The following TRPM3 variants were observed in gnomAD, a reference collection of about 807,000 sequenced individuals.
TRPM3 encodes transient receptor potential cation channel subfamily M member 3.
A neutral mutation model predicts 181.2 loss-of-function variants in TRPM3; 77 were observed. That is an observed-to-expected ratio of 0.42 (90% CI 0.35 to 0.51). The LOEUF (loss-of-function observed/expected upper bound fraction) is 0.51, where lower values mean the gene tolerates loss of function less well. Among genes scored for constraint, TRPM3 ranks in the 20% least tolerant of loss-of-function variants. The pLI is 0.01. For missense variants in TRPM3, 1,759 were observed against 2,196.7 expected (o/e 0.80, Z 3.98); for synonymous variants, 745 against 796.4 (o/e 0.94, Z 1.09).
intron 1 of TRPM3, among the ~76,000 whole-genome samples, chr9:71,276,075 T>G (rs747925204): frequency 2.0e-5 from 3 of 152,094 alleles, no homozygotes; most frequent in Non-Finnish European, 4.4e-5. Context: ...TCTCCTGACC[T>G]CGTGATCCAC....
At chr9:70,648,544 G>A (rs1054115016) in intron 9 of TRPM3, among the ~76,000 whole-genome samples, 27 of 151,700 alleles carry the variant, frequency 1.8e-4, no homozygotes, top group African/African-American at 6.3e-4. Flanking sequence ...ACAATCTTAA[G>A]CAAAAAGAAT....
intron 1 of TRPM3, among the ~76,000 whole-genome samples, chr9:71,136,695 AGGAACAGTAGCCTCAG>A (rs1315982525): frequency 6.6e-6 from 1 of 152,178 alleles, no homozygotes; most frequent in Non-Finnish European, 1.5e-5. Flanking sequence ...AAGAGGGCAC[AGGAACAGTAGCCTCAG>A]GGAGACGTGA....
chr9:71,424,698 T>C (rs1488960019), intron 1 of TRPM3, among the ~76,000 whole-genome samples: 1 of 152,106 alleles, frequency 6.6e-6, no homozygotes, highest in Non-Finnish European at 1.5e-5. Context: ...ACCATCATTC[T>C]CTCCCTGTAG....
chr9:70,850,792 T>C (rs978673110), intron 3 of TRPM3, among the ~76,000 whole-genome samples: 40 of 152,354 alleles, frequency 2.6e-4, no homozygotes, highest in African/African-American at 8.9e-4. Flanking sequence ...GCTTCCAAAC[T>C]ATACAAACCA....
intron 6 of TRPM3, among the ~76,000 whole-genome samples, chr9:70,820,787 G>A (rs2093099488): frequency 6.6e-6 from 1 of 152,052 alleles, no homozygotes; most frequent in African/African-American, 2.4e-5. Flanking sequence ...GCTTACAGAT[G>A]GAGAAATAAA....
intron 8 of TRPM3, among the ~76,000 whole-genome samples, chr9:70,754,635 T>C (rs1035631840): frequency 6.6e-6 from 1 of 152,150 alleles, no homozygotes; most frequent in African/African-American, 2.4e-5. Flanking sequence ...CTTTATTATG[T>C]AAGTCAGTTA....
At chr9:70,794,417 C>G (rs578058634) in intron 6 of TRPM3, among the ~76,000 whole-genome samples, 1 of 152,318 alleles carries the variant, frequency 6.6e-6, no homozygotes, top group East Asian at 1.9e-4. Context: ...CTTCTACATT[C>G]CAGTGAGGCT....
At chr9:71,292,907 T>C (rs1217731921) in intron 1 of TRPM3, among the ~76,000 whole-genome samples, 3 of 151,882 alleles carry the variant, frequency 2.0e-5, no homozygotes, top group Non-Finnish European at 2.9e-5. Flanking sequence ...TCAACTAAAA[T>C]TGCAAATCAA....
Position 70,603,367 on chromosome 9 carries a change from G to T in TRPM3, c.2771C>A (p.Thr924Asn). The change falls in exon 20 of 26, where the codon ACC (threonine) becomes AAC (asparagine). Residue 924 changes from threonine (T) to asparagine (N), a missense_variant. Physicochemically the swap from Thr to Asn is moderately conservative, Grantham distance 65 (BLOSUM62 0). This residue lies in a region of TRPM3 where 100 missense variants were observed against 123.0 expected (regional missense o/e 0.81). Transcript: ENST00000677713. Reference sequence around the variant, plus strand: ...CTCTCTCATCTTTTCTATTCCCAGGGTGAAAATATAGGAGATTACGATCCA... The same window carrying T: ...CTCTCTCATCTTTTCTATTCCCAGGTTGAAAATATAGGAGATTACGATCCA... ...QEWIVISYIF[T>N]LGIEKMREIL... The T allele has an allele frequency of 6.2e-7, 1 of 1,613,548 alleles. No individual in the cohort carries two copies. The highest frequency in any genetic ancestry group is 8.5e-7 in the Non-Finnish European group (1 of 1,179,786).
chr9:70,980,317 A>G (rs918267997), intron 1 of TRPM3, among the ~76,000 whole-genome samples: 1 of 152,058 alleles, frequency 6.6e-6, no homozygotes, highest in African/African-American at 2.4e-5. Context: ...GTGACAGCAG[A>G]TAGGATGGGA....
intron 1 of TRPM3, among the ~76,000 whole-genome samples, chr9:71,045,801 T>C (rs965867609): frequency 2.0e-5 from 3 of 152,200 alleles, no homozygotes; most frequent in African/African-American, 7.2e-5. Context: ...TAGCGTACTA[T>C]GTAACATTAG....
chr9:70,773,398 C>G (rs1363806555), intron 7 of TRPM3, among the ~76,000 whole-genome samples: 1 of 151,966 alleles, frequency 6.6e-6, no homozygotes, highest in East Asian at 1.9e-4. Flanking sequence ...AAATAAAGTG[C>G]CTAGATCAGG....
At chr9:71,270,070 G>A (rs542154252) in intron 1 of TRPM3, among the ~76,000 whole-genome samples, 1 of 152,236 alleles carries the variant, frequency 6.6e-6, no homozygotes, top group South Asian at 2.1e-4. Flanking sequence ...TCAATATGTA[G>A]TCATGCAGTT....
intron 1 of TRPM3, among the ~76,000 whole-genome samples, chr9:71,009,252 C>G (rs531613513): frequency 6.6e-6 from 1 of 151,960 alleles, no homozygotes; most frequent in East Asian, 1.9e-4. Flanking sequence ...AAAGGGCACT[C>G]AAAACAGAAA....
intron 9 of TRPM3, among the ~76,000 whole-genome samples, chr9:70,649,192 C>CTGT (rs2059297093): frequency 6.9e-6 from 1 of 144,194 alleles, no homozygotes; most frequent in Non-Finnish European, 1.5e-5. Context: ...TGAACAGACA[C>CTGT]TTTTTTTTTT....
intron 1 of TRPM3, among the ~76,000 whole-genome samples, chr9:70,968,714 G>A (rs965904740): frequency 1.3e-5 from 2 of 152,134 alleles, no homozygotes; most frequent in South Asian, 2.1e-4. Context: ...TAAGTTCTTC[G>A]CATATATTTT....
intron 1 of TRPM3, among the ~76,000 whole-genome samples, chr9:71,354,222 G>A (rs1187870380): frequency 6.6e-6 from 1 of 152,166 alleles, no homozygotes; most frequent in East Asian, 1.9e-4. Flanking sequence ...AGGTACACAA[G>A]CAAGTTGCAA....
rs1354497214 is a variant in TRPM3 at position 70,532,576 on chromosome 9, CTATAAA to C, written c.*3371_*3376del. 2.6e-5 allele frequency: 4 copies of C among 152,184 alleles called. No homozygotes were observed. The highest frequency in any genetic ancestry group is 4.8e-5 in the African/African-American group (2 of 41,436). The allele number at this position is 152,184 out of a possible 1,614,324, so 9.4% of individuals were successfully genotyped here. A position where few individuals can be genotyped will look rare whatever the true frequency, so the allele number is the denominator to read the frequency against. ...AATCTATCAAGGAGGGGCCCTCTAA[CTATAAA>C]TATAAAGTATATTGGTTAAGCAGGA... On this transcript the variant is annotated 3_prime_UTR_variant, in exon 26 of 26. Coordinates refer to ENST00000677713, the MANE Select transcript of TRPM3 (RefSeq NM_001366145.2).
At chr9:70,653,603 A>G (rs1215416112) in intron 9 of TRPM3, among the ~76,000 whole-genome samples, 1 of 151,682 alleles carries the variant, frequency 6.6e-6, no homozygotes, top group Non-Finnish European at 1.5e-5. Flanking sequence ...TCACAGCTGC[A>G]AAAGAGGAAA....
Sources: gnomAD v4.1 joint callset for allele counts (sites outside exome capture counted in the v4.1 genomes callset) on GRCh38, gnomAD v4.1.1 for gene constraint, gnomAD v4.1.1 regional missense constraint, MANE v1.5 for transcripts, NCBI Gene and HGNC (gene_info 2026-07-23, HGNC 2026-07-21) for gene names.